ARHGAP40: variants seen among roughly 807,000 people sequenced by gnomAD.
ARHGAP40 encodes Rho GTPase activating protein 40, also known as rho GTPase-activating protein 40.
Under a neutral mutation model 73.5 loss-of-function variants are expected in ARHGAP40, and 43 were observed. That is an observed-to-expected ratio of 0.58 (90% CI 0.46 to 0.75). ARHGAP40 has a LOEUF of 0.75. Ranked by LOEUF, ARHGAP40 falls within the 30% of genes least tolerant of loss-of-function variation. The pLI, the probability that ARHGAP40 is intolerant of heterozygous loss-of-function variation, is 0.00. For synonymous variants in ARHGAP40, 300 were observed against 352.8 expected, an observed-to-expected ratio of 0.85 and a Z score of 1.68; for missense variants, 734 against 861.8, an observed-to-expected ratio of 0.85 and a Z score of 1.86.
chr20:38,627,378 G>GTT (rs1369262592), intron 3 of ARHGAP40, among the ~76,000 whole-genome samples, 163 bp downstream of exon 3: 1 of 113,250 alleles, frequency 8.8e-6, no homozygotes, highest in Non-Finnish European at 2.0e-5. Context: ...GTGTGTTGGT[G>GTT]TGTGTGTTGG....
chr20:38,622,738 A>C (rs2088879789), intron 1 of ARHGAP40, among the ~76,000 whole-genome samples: 1 of 151,826 alleles, frequency 6.6e-6, no homozygotes, highest in Non-Finnish European at 1.5e-5. Context: ...AAGACTGGCC[A>C]CTCCAGCCCC....
At chr20:38,623,140 G>A (rs2088881672) in intron 1 of ARHGAP40, among the ~76,000 whole-genome samples, 1 of 152,198 alleles carries the variant, frequency 6.6e-6, no homozygotes, top group African/African-American at 2.4e-5. Flanking sequence ...GAGCAGTCTG[G>A]CCCTGCTCTG....
At chr20:38,627,633 G>GGGTGTGTGTGGGGGGGTGTT (rs1555791941) in intron 3 of ARHGAP40, among the ~76,000 whole-genome samples, 2 of 139,494 alleles carry the variant, frequency 1.4e-5, no homozygotes, top group South Asian at 2.3e-4. Context: ...GTGTGTGTTG[G>GGGTGTGTGTGGGGGGGTGTT]GGTGTGTGTG....
chr20:38,642,056 CT>C (rs1371693313), intron 10 of ARHGAP40, among the ~76,000 whole-genome samples: 1 of 152,110 alleles, frequency 6.6e-6, no homozygotes, highest in Non-Finnish European at 1.5e-5. Context: ...GTGTTAGCAC[CT>C]TGTGGCCAAG....
chr20:38,638,994 G>T (rs532258810), intron 8 of ARHGAP40, among the ~76,000 whole-genome samples, 156 bp downstream of exon 8: 2 of 152,160 alleles, frequency 1.3e-5, no homozygotes, highest in Non-Finnish European at 2.9e-5. Context: ...GGCATGATGA[G>T]CATGGTGGCA....
intron 9 of ARHGAP40, among the ~76,000 whole-genome samples, chr20:38,639,976 A>G (rs889869582): frequency 2.0e-5 from 3 of 152,186 alleles, no homozygotes; most frequent in Non-Finnish European, 4.4e-5. Flanking sequence ...TTCTCCAAAA[A>G]GCTCCAAGGC....
intron 2 of ARHGAP40, 77 bp downstream of exon 2, chr20:38,623,635 A>G: frequency 8.6e-7 from 1 of 1,156,850 alleles, no homozygotes; most frequent in Non-Finnish European, 1.1e-6. Flanking sequence ...GAGGATCCAG[A>G]TATGAACCAG....
intron 5 of ARHGAP40, among the ~76,000 whole-genome samples, chr20:38,630,353 A>T (rs2088931379): frequency 1.3e-5 from 2 of 151,694 alleles, no homozygotes; most frequent in Admixed American, 1.3e-4. Flanking sequence ...TCAAGTAGCT[A>T]GGACTACAGT....
intron 11 of ARHGAP40, among the ~76,000 whole-genome samples, chr20:38,644,847 C>G (rs545399645): frequency 6.6e-6 from 1 of 151,982 alleles, no homozygotes; most frequent in South Asian, 2.1e-4. Context: ...ATCCAACTAT[C>G]TACCCATCCA....
At chr20:38,607,665 C>A (rs1386894120) in intron 1 of ARHGAP40, among the ~76,000 whole-genome samples, 2 of 152,186 alleles carry the variant, frequency 1.3e-5, no homozygotes, top group African/African-American at 4.8e-5. Flanking sequence ...TTCTCCACCT[C>A]CCCTCCTGTC....
At chr20:38,605,326 G>A (rs1569005882) in intron 1 of ARHGAP40, among the ~76,000 whole-genome samples, 3 of 152,174 alleles carry the variant, frequency 2.0e-5, no homozygotes, top group Non-Finnish European at 4.4e-5. Flanking sequence ...TCCACAGGCT[G>A]GTCCAGGAGG....
intron 2 of ARHGAP40, among the ~76,000 whole-genome samples, chr20:38,626,113 T>C (rs1466180785): frequency 1.3e-5 from 2 of 152,198 alleles, no homozygotes; most frequent in East Asian, 3.8e-4. Context: ...TCTGTTCTGG[T>C]TCCCAAGTGC....
intron 1 of ARHGAP40, among the ~76,000 whole-genome samples, chr20:38,604,184 C>A (rs1198096370): frequency 6.6e-6 from 1 of 152,146 alleles, no homozygotes; most frequent in East Asian, 1.9e-4. Context: ...CTGACTCCAC[C>A]ACCACCCTCC....
intron 1 of ARHGAP40, among the ~76,000 whole-genome samples, chr20:38,609,882 G>GAGA (rs1228374876): frequency 6.6e-6 from 1 of 152,248 alleles, no homozygotes; most frequent in Non-Finnish European, 1.5e-5. Flanking sequence ...CCAGGGCCAG[G>GAGA]AGACCTGAAG....
intron 5 of ARHGAP40, among the ~76,000 whole-genome samples, chr20:38,634,396 C>T (rs146844401): frequency 7.2e-5 from 11 of 152,228 alleles, no homozygotes; most frequent in African/African-American, 2.4e-4. Context: ...CTGAGGTAGG[C>T]TCTATTTTAT....
intron 1 of ARHGAP40, among the ~76,000 whole-genome samples, chr20:38,620,741 G>A (rs1181753974): frequency 6.6e-6 from 1 of 152,222 alleles, no homozygotes; most frequent in African/African-American, 2.4e-5. Flanking sequence ...CGGAGCCGTT[G>A]CCAGGAGGTT....
rs1467579050 is a variant in ARHGAP40, at chr20:38,645,957, G to A, written c.1570-90G>A. The A allele has an allele frequency of 2.6e-6, 3 of 1,145,066 alleles. No homozygotes were observed. In the African/African-American group the frequency reaches 4.9e-5, roughly 19 times the overall value. 70.9% of individuals were successfully genotyped at this position (1,145,066 alleles called of 1,614,324 possible). A position where few individuals can be genotyped will look rare whatever the true frequency, so the allele number is the denominator to read the frequency against. Reference sequence around the variant, plus strand: ...CCAAGCCCTGTGGGACGCTGGGCCAGGGAAGAGGCCACGATGACCCTGGAG... The same window carrying A: ...CCAAGCCCTGTGGGACGCTGGGCCAAGGAAGAGGCCACGATGACCCTGGAG... On this transcript the variant is annotated intron_variant, in intron 11 of 14. Transcript: ENST00000373345.
At chr20:38,643,967 C>T (rs930999792) in intron 11 of ARHGAP40, 57 bp downstream of exon 11, 2 of 1,239,628 alleles carry the variant, frequency 1.6e-6, no homozygotes, top group Non-Finnish European at 2.1e-6. Flanking sequence ...GCCGCCCCTG[C>T]TCTCCAGGAG....
intron 1 of ARHGAP40, among the ~76,000 whole-genome samples, chr20:38,605,818 T>C (rs953095295): frequency 1.4e-4 from 21 of 152,340 alleles, no homozygotes; most frequent in Middle Eastern, 3.4e-3. Flanking sequence ...GTATTATGTA[T>C]ACTATTTTAT....
Sources: gnomAD v4.1 joint callset for allele counts (sites outside exome capture counted in the v4.1 genomes callset) on GRCh38, gnomAD v4.1.1 for gene constraint, MANE v1.5 for transcripts, NCBI Gene and HGNC (gene_info 2026-07-23, HGNC 2026-07-21) for gene names.